Variants in C2orf78 observed in about 807,000 individuals in gnomAD.
The protein encoded by C2orf78 is uncharacterized protein C2orf78.
A neutral mutation model predicts 21.4 loss-of-function variants in C2orf78; 12 were observed. The observed-to-expected ratio is 0.56, with a 90% CI of 0.36 to 0.91. The LOEUF (loss-of-function observed/expected upper bound fraction) is 0.91. Among genes scored for constraint, C2orf78 ranks in the 40% least tolerant of loss-of-function variants. The pLI is 0.01. For synonymous variants in C2orf78, 396 were observed against 413.9 expected (o/e 0.96, Z 0.52); for missense variants, 1,042 against 1,092.4 (o/e 0.95, Z 0.65).
At chr2:73,810,685 C>T (rs1157699364) in intron 1 of C2orf78, among the ~76,000 whole-genome samples, 4 of 123,294 alleles carry the variant, frequency 3.2e-5, no homozygotes, top group Admixed American at 9.1e-5. Flanking sequence ...ATAAAATATA[C>T]ATATATATTT....
intron 1 of C2orf78, among the ~76,000 whole-genome samples, chr2:73,810,914 T>C (rs1343727504): frequency 7.1e-6 from 1 of 141,504 alleles, no homozygotes; most frequent in Non-Finnish European, 1.5e-5. Flanking sequence ...TTATATATAA[T>C]ATATGTATAT....
At chr2:73,807,933 G>C (rs572316354) in intron 1 of C2orf78, among the ~76,000 whole-genome samples, 7 of 151,066 alleles carry the variant, frequency 4.6e-5, no homozygotes, top group Non-Finnish European at 1.0e-4. Flanking sequence ...ACAAAAGAGG[G>C]TTCTTTAATC....
chr2:73,810,763 AATATAT>A (rs201058984), intron 1 of C2orf78, among the ~76,000 whole-genome samples: 1 of 131,442 alleles, frequency 7.6e-6, no homozygotes, highest in African/African-American at 2.9e-5. Flanking sequence ...ATGTATATAT[AATATAT>A]ATATAAAATA....
intron 1 of C2orf78, among the ~76,000 whole-genome samples, chr2:73,811,695 A>G (rs1057092596): frequency 6.6e-6 from 1 of 152,132 alleles, no homozygotes; most frequent in Non-Finnish European, 1.5e-5. Flanking sequence ...AACATTTTTT[A>G]ATTGGATTCT....
intron 1 of C2orf78, among the ~76,000 whole-genome samples, chr2:73,812,986 CAG>C (rs1673118417): frequency 6.6e-6 from 1 of 152,132 alleles, no homozygotes; most frequent in African/African-American, 2.4e-5. Context: ...GGTCTATGCT[CAG>C]AGAAAAGACT....
intron 1 of C2orf78, among the ~76,000 whole-genome samples, chr2:73,786,423 C>T (rs1181709585): frequency 1.5e-5 from 2 of 133,812 alleles, no homozygotes; most frequent in African/African-American, 5.8e-5. Flanking sequence ...ATGCAGGTAT[C>T]TCTAAAAGCT....
At chr2:73,812,098 A>C (rs1673100936) in intron 1 of C2orf78, among the ~76,000 whole-genome samples, 1 of 152,084 alleles carries the variant, frequency 6.6e-6, no homozygotes, top group Non-Finnish European at 1.5e-5. Context: ...TCTGCTTCTT[A>C]CACACTTTTT....
At chr2:73,817,093 G>T in exon 3 of C2orf78, 4 of 1,272,114 alleles carry the variant, frequency 3.1e-6, no homozygotes, top group Non-Finnish European at 3.1e-6. Context: ...ACATAATAAA[G>T]AAATGTAATA....
chr2:73,816,684 T>TCGAA lies in C2orf78; in HGVS notation c.2462_2463insGAAC (p.Ser822AsnfsTer44). 1 of 1,614,010 alleles carries TCGAA rather than the reference T, an allele frequency of 6.2e-7. No individual in the cohort carries two copies. The highest frequency in any genetic ancestry group is 8.5e-7 in the Non-Finnish European group (1 of 1,179,886). ...ATCAGCCTACAAAACATCATCTTGT[T>TCGAA]CTTCTCTGCAGCGGGAGCCTGTTTC... On this transcript the variant is annotated frameshift_variant, in exon 3 of 3. Transcript: ENST00000409561. LOFTEE classifies it low-confidence loss of function (END_TRUNC).
rs375950797 is a variant in C2orf78 at position 73,816,351 on chromosome 2, T to C, written c.2128T>C (p.Leu710=). The C allele has an allele frequency of 5.9e-5, 96 of 1,613,596 alleles. No individual in the cohort carries two copies. The African/African-American group carries it at 1.0e-3, about 17-fold the overall frequency. Reference sequence around the variant, plus strand: ...GTGTACATCTCCATCCCACTCTGAGTTGCCACCACCTGGGAAGGTCAAGTT... The same window carrying C: ...GTGTACATCTCCATCCCACTCTGAGCTGCCACCACCTGGGAAGGTCAAGTT... Residue 710 remains leucine (L), a synonymous_variant, in exon 3 of 3, where the codon TTG becomes CTG. Transcript: ENST00000409561.
chr2:73,814,536 ATTAC>A (rs1366894181), intron 2 of C2orf78, among the ~76,000 whole-genome samples: 1 of 152,042 alleles, frequency 6.6e-6, no homozygotes, highest in East Asian at 1.9e-4. Flanking sequence ...TCCTTAATCT[ATTAC>A]TTTAGTCTCT....
chr2:73,813,824 G>A, exon 2 of C2orf78: 1 of 1,614,004 alleles, frequency 6.2e-7, no homozygotes, highest in African/African-American at 1.3e-5. Context: ...CACTGTGACT[G>A]TCATTGATCA....
chr2:73,813,507 C>A (rs1419559629), exon 2 of C2orf78: 1 of 1,610,258 alleles, frequency 6.2e-7, no homozygotes, highest in African/African-American at 1.3e-5. Context: ...TTACCTGGAA[C>A]TGCAAATTCT....
chr2:73,816,579 C>G, exon 3 of C2orf78: 1 of 1,613,366 alleles, frequency 6.2e-7, no homozygotes. Flanking sequence ...ACCAGCTCAG[C>G]CAATTTCAGC....
In C2orf78 at chr2:73,817,007, G is replaced by A. The variant is rs781056663; in HGVS notation, c.*15G>A. On this transcript the variant is annotated 3_prime_UTR_variant, in exon 3 of 3. Coordinates refer to ENST00000409561, the Ensembl canonical transcript of C2orf78. ...ACACAATCTAAGAGCTGAGATTGTT[G>A]GTTTTACTTTGGATACCGCTGGTTT... is the stretch of plus-strand genomic sequence containing the variant. 2.5e-6 allele frequency: 4 copies of A among 1,592,748 alleles called. No homozygotes were observed. The African/African-American group carries it at 5.4e-5, about 21-fold the overall frequency.
chr2:73,815,547 G>T, exon 3 of C2orf78: 2 of 1,613,930 alleles, frequency 1.2e-6, no homozygotes, highest in Non-Finnish European at 1.7e-6. Flanking sequence ...CAGTGATTTG[G>T]CAGACATCAC....
At chr2:73,808,841 A>G (rs769312116) in intron 1 of C2orf78, 4 of 1,337,230 alleles carry the variant, frequency 3.0e-6, no homozygotes, top group Admixed American at 2.0e-5. Context: ...GACATCCGCT[A>G]GTATCGTCTC....
At chr2:73,816,472 A>T in exon 3 of C2orf78, 1 of 1,613,904 alleles carries the variant, frequency 6.2e-7, no homozygotes, top group Non-Finnish European at 8.5e-7. Context: ...GCTGTGGCTT[A>T]CCCTGCTCGA....
At chr2:73,785,969 C>G (rs1012839219) in intron 1 of C2orf78, among the ~76,000 whole-genome samples, 2 of 151,840 alleles carry the variant, frequency 1.3e-5, no homozygotes, top group South Asian at 2.1e-4. Flanking sequence ...TCACTTGAAC[C>G]CGAGAGGCAA....
Sources: allele counts gnomAD v4.1 joint callset (sites outside exome capture counted in the v4.1 genomes callset), GRCh38; gene constraint gnomAD v4.1.1; transcripts MANE v1.5; gene names NCBI Gene and HGNC (gene_info 2026-07-23, HGNC 2026-07-21).